Variants in HMGCLL1 observed in about 807,000 individuals in gnomAD.
HMGCLL1 encodes the protein 3-hydroxy-3-methylglutaryl-CoA lyase like 1.
HMGCLL1 carries 36 observed loss-of-function variants against 39.1 expected under a neutral mutation model. The observed-to-expected ratio is 0.92, with a 90% CI of 0.71 to 1.22. HMGCLL1 has a LOEUF of 1.22. HMGCLL1 is among the 50% of genes most tolerant of loss of function. The pLI, the probability that HMGCLL1 is intolerant of heterozygous loss-of-function variation, is 0.00. For synonymous variants in HMGCLL1, 149 were observed against 144.0 expected (o/e 1.03, Z -0.25); for missense variants, 451 against 416.5 (o/e 1.08, Z -0.72).
At chr6:55,605,604 C>T in the HMGCLL1 span, among the ~76,000 whole-genome samples, 1 of 151,964 alleles carries the variant, frequency 6.6e-6, no homozygotes, top group African/African-American at 2.4e-5. Context: ...ACTTCTTATC[C>T]TAAAAACTCA....
chr6:55,618,209 TC>T, the HMGCLL1 span, among the ~76,000 whole-genome samples: 1 of 151,884 alleles, frequency 6.6e-6, no homozygotes, highest in African/African-American at 2.4e-5. Flanking sequence ...ACGTCTGGGG[TC>T]TGGTAATGTT....
chr6:55,439,495 G>C lies in HMGCLL1; in HGVS notation c.860C>G (p.Ala287Gly). 6.2e-7 allele frequency: 1 copy of C among 1,612,748 alleles called. No homozygotes were observed. Among genetic ancestry groups the C allele is most frequent in the Non-Finnish European group, 8.5e-7 (1 of 1,179,066 alleles). ...ATCCTCAGTGGCTACATTCCCAGAA[G>C]CACCTTTTGCATAAGGGCAGCCACC... The part of the protein sequence containing the change: ...GLGGCPYAKG[A>G]SGNVATEDLI... Residue 287 changes from alanine (A) to glycine (G), a missense_variant, in exon 8 of 9, where the codon GCT becomes GGT. Ala to Gly is a moderately conservative substitution (Grantham distance 60). Transcript: ENST00000274901.
At chr6:55,665,374 G>T in the HMGCLL1 span, among the ~76,000 whole-genome samples, 1 of 151,676 alleles carries the variant, frequency 6.6e-6, no homozygotes, top group Non-Finnish European at 1.5e-5. Context: ...ACACTCCCTT[G>T]TTGAGTCATC....
chr6:55,649,911 A>T, the HMGCLL1 span, among the ~76,000 whole-genome samples: 2 of 150,648 alleles, frequency 1.3e-5, no homozygotes, highest in South Asian at 4.2e-4. Flanking sequence ...GCATCTTTCT[A>T]CTTTAGAATT....
Position 55,514,964 on chromosome 6 carries a change from T to TG in HMGCLL1, c.394-769dup, listed in dbSNP as rs1003623196. On this transcript the variant is annotated intron_variant, in intron 4 of 8. Coordinates refer to ENST00000274901, the MANE Select transcript of HMGCLL1 (RefSeq NM_001042406.2). ...CTCTTGCTAATCCCCCATTAACACA[T>TG]GGGGGGGAGGTCAGGTGCGGTGGCT... 1.1e-4 allele frequency among the ~76,000 whole-genome samples: 16 copies of TG among 152,056 alleles called. No individual in the cohort carries two copies. The East Asian group carries it at 1.7e-3, about 17-fold the overall frequency.
intron 3 of HMGCLL1, among the ~76,000 whole-genome samples, chr6:55,528,477 T>TAC (rs1049855362): frequency 6.6e-6 from 1 of 152,002 alleles, no homozygotes; most frequent in African/African-American, 2.4e-5. Flanking sequence ...GTAGCCTGGG[T>TAC]ACAGTAACCC....
At chr6:55,536,452 G>C (rs1769031780) in intron 3 of HMGCLL1, among the ~76,000 whole-genome samples, 1 of 152,112 alleles carries the variant, frequency 6.6e-6, no homozygotes, top group Non-Finnish European at 1.5e-5. Flanking sequence ...AACTAAAGAT[G>C]AATGTAAAAC....
At chr6:55,608,307 C>A in the HMGCLL1 span, among the ~76,000 whole-genome samples, 1 of 152,192 alleles carries the variant, frequency 6.6e-6, no homozygotes, top group Non-Finnish European at 1.5e-5. Flanking sequence ...CACTCTTGCA[C>A]TTGACTCTGC....
intron 5 of HMGCLL1, among the ~76,000 whole-genome samples, chr6:55,511,547 C>A (rs1767460190): frequency 1.3e-5 from 2 of 150,462 alleles, no homozygotes; most frequent in South Asian, 2.1e-4. Context: ...ACTGCTATGG[C>A]CTTTAAAGCT....
chr6:55,536,210 T>C (rs1769014020), intron 3 of HMGCLL1, among the ~76,000 whole-genome samples: 1 of 152,198 alleles, frequency 6.6e-6, no homozygotes, highest in Non-Finnish European at 1.5e-5. Context: ...CATACATTTC[T>C]TTCTACTTTT....
the HMGCLL1 span, among the ~76,000 whole-genome samples, chr6:55,596,181 GCCGGATGTGGCGGTGT>G: frequency 6.6e-6 from 1 of 152,032 alleles, no homozygotes; most frequent in Non-Finnish European, 1.5e-5. Context: ...ACAAAAATTA[GCCGGATGTGGCGGTGT>G]GCACCTGTAG....
At chr6:55,593,404 T>C in the HMGCLL1 span, among the ~76,000 whole-genome samples, 1 of 152,192 alleles carries the variant, frequency 6.6e-6, no homozygotes, top group East Asian at 1.9e-4. Context: ...CTTTTACAAA[T>C]AACAGCCAGC....
chr6:55,556,300 T>A (rs1242894708), intron 1 of HMGCLL1, among the ~76,000 whole-genome samples: 1 of 152,152 alleles, frequency 6.6e-6, no homozygotes, highest in Non-Finnish European at 1.5e-5. Context: ...TAGGTTGCCA[T>A]TTTATGTAAG....
intron 7 of HMGCLL1, among the ~76,000 whole-genome samples, chr6:55,477,437 A>ATTATATG (rs1765501722): frequency 1.6e-5 from 1 of 61,616 alleles, no homozygotes; most frequent in African/African-American, 7.0e-5. Flanking sequence ...TATATTATAT[A>ATTATATG]TTATATATAT....
chr6:55,532,357 T>C (rs1463799314), intron 3 of HMGCLL1, among the ~76,000 whole-genome samples: 1 of 152,178 alleles, frequency 6.6e-6, no homozygotes, highest in Non-Finnish European at 1.5e-5. Context: ...GCTTTCATTA[T>C]AAATTTTGCT....
At chr6:55,571,064 C>T (rs1210685851) in intron 1 of HMGCLL1, among the ~76,000 whole-genome samples, 1 of 152,186 alleles carries the variant, frequency 6.6e-6, no homozygotes, top group Non-Finnish European at 1.5e-5. Flanking sequence ...CCCACCAGGT[C>T]CCTCCCACAA....
At chr6:55,627,942 GTATATATAC>G in the HMGCLL1 span, among the ~76,000 whole-genome samples, 1 of 7,902 alleles carries the variant, frequency 1.3e-4, no homozygotes, top group Non-Finnish European at 2.5e-4. Context: ...TATATATATA[GTATATATAC>G]TATATATATA....
the HMGCLL1 span, among the ~76,000 whole-genome samples, chr6:55,602,427 C>T: frequency 6.6e-6 from 1 of 151,946 alleles, no homozygotes; most frequent in African/African-American, 2.4e-5. Context: ...CATACATTCT[C>T]TTGACTTGTT....
At chr6:55,627,931 C>T in the HMGCLL1 span, among the ~76,000 whole-genome samples, 18 of 1,058 alleles carry the variant, frequency 0.017, 4 homozygotes, top group Non-Finnish European at 0.021. Context: ...AATATATATA[C>T]TATATATATA....
Sources: allele counts gnomAD v4.1 joint callset (sites outside exome capture counted in the v4.1 genomes callset), GRCh38; gene constraint gnomAD v4.1.1; transcripts MANE v1.5; gene names NCBI Gene and HGNC (gene_info 2026-07-23, HGNC 2026-07-21).